The following PCDH9 variants were observed in gnomAD, a reference collection of about 807,000 sequenced individuals.
The protein encoded by PCDH9 is protocadherin-9.
Under a neutral mutation model 70.6 loss-of-function variants are expected in PCDH9, and 24 were observed. That is an observed-to-expected ratio of 0.34 (90% CI 0.25 to 0.48). PCDH9 has a LOEUF of 0.48. PCDH9 is among the 20% of genes least tolerant of loss of function. The pLI is 0.99. For synonymous variants in PCDH9, 562 were observed against 558.5 expected, an observed-to-expected ratio of 1.01 and a Z score of -0.09; for missense variants, 1,281 against 1,503.6, an observed-to-expected ratio of 0.85 and a Z score of 2.45.
intron 4 of PCDH9, among the ~76,000 whole-genome samples, chr13:66,595,591 T>C (rs886774093): frequency 2.6e-5 from 4 of 151,714 alleles, no homozygotes; most frequent in African/African-American, 4.8e-5. Context: ...ATTGCCTTTA[T>C]GAAGAGGATT....
chr13:66,967,861 T>C (rs1025052691), intron 2 of PCDH9, among the ~76,000 whole-genome samples: 1 of 152,054 alleles, frequency 6.6e-6, no homozygotes, highest in Non-Finnish European at 1.5e-5. Flanking sequence ...TGTTATGTCA[T>C]ATACTTGTCT....
intron 2 of PCDH9, among the ~76,000 whole-genome samples, chr13:66,928,057 A>T (rs1343884300): frequency 2.0e-5 from 3 of 152,060 alleles, no homozygotes; most frequent in Non-Finnish European, 4.4e-5. Flanking sequence ...TAGGAAAGAC[A>T]CATTTAACAT....
chr13:66,740,761 G>A (rs1277839150), intron 3 of PCDH9, among the ~76,000 whole-genome samples: 4 of 151,758 alleles, frequency 2.6e-5, no homozygotes, highest in African/African-American at 4.8e-5. Context: ...TAAATTCCTC[G>A]ACACATACAC....
chr13:66,910,880 C>T (rs755759026), intron 2 of PCDH9, among the ~76,000 whole-genome samples: 3 of 152,128 alleles, frequency 2.0e-5, no homozygotes, highest in Non-Finnish European at 4.4e-5. Flanking sequence ...GTGCATTGTC[C>T]ATTTCCTGAG....
intron 3 of PCDH9, among the ~76,000 whole-genome samples, chr13:66,739,801 T>C (rs2079225288): frequency 7.4e-6 from 1 of 135,568 alleles, no homozygotes; most frequent in Non-Finnish European, 1.6e-5. Flanking sequence ...CTATCCTAAA[T>C]ATATATGCAC....
chr13:66,875,354 C>T (rs1218163988), intron 3 of PCDH9, among the ~76,000 whole-genome samples: 2 of 152,214 alleles, frequency 1.3e-5, no homozygotes, highest in Admixed American at 6.5e-5. Context: ...TATCTTCTAA[C>T]AAATTATTTG....
intron 4 of PCDH9, among the ~76,000 whole-genome samples, chr13:66,348,921 C>G (rs1956253442): frequency 6.6e-6 from 1 of 152,240 alleles, no homozygotes; most frequent in East Asian, 1.9e-4. Context: ...CCTTTCCCTT[C>G]CCTTGTGTCG....
In PCDH9 at chr13:67,079,663, G is replaced by T. The variant is rs535585619; in HGVS notation, c.3036+145742C>A. On this transcript the variant is annotated intron_variant, in intron 2 of 4. Coordinates refer to ENST00000377865, the MANE Select transcript of PCDH9 (RefSeq NM_203487.3). ...AAGCTGTCTTTTGTGGGAAAATTTT[G>T]CATCAGATTAATCTTCCATTAATGT... 2.0e-5 allele frequency among the ~76,000 whole-genome samples: 3 copies of T among 152,264 alleles called. No homozygotes were observed. In the South Asian group the frequency reaches 6.2e-4, roughly 32 times the overall value.
chr13:67,145,948 G>T (rs548583280), intron 2 of PCDH9, among the ~76,000 whole-genome samples: 1 of 152,122 alleles, frequency 6.6e-6, no homozygotes, highest in East Asian at 1.9e-4. Flanking sequence ...ACATTATAGG[G>T]TCTTAATATC....
intron 2 of PCDH9, among the ~76,000 whole-genome samples, chr13:67,019,714 T>C (rs1423715158): frequency 6.6e-6 from 1 of 151,970 alleles, no homozygotes; most frequent in South Asian, 2.1e-4. Flanking sequence ...CAAGCTATGG[T>C]AGACTAAGGA....
chr13:66,955,917 C>A (rs1594309795), intron 2 of PCDH9, among the ~76,000 whole-genome samples: 1 of 151,978 alleles, frequency 6.6e-6, no homozygotes, highest in African/African-American at 2.4e-5. Context: ...TATGGTGAAA[C>A]CCCGTTTCTA....
intron 4 of PCDH9, among the ~76,000 whole-genome samples, chr13:66,398,305 C>G (rs531133103): frequency 3.9e-5 from 6 of 152,108 alleles, no homozygotes; most frequent in Admixed American, 1.3e-4. Flanking sequence ...TTATTGTAAA[C>G]ACATTCAATG....
At chr13:67,101,036 G>A (rs1323479433) in intron 2 of PCDH9, among the ~76,000 whole-genome samples, 1 of 152,158 alleles carries the variant, frequency 6.6e-6, no homozygotes, top group East Asian at 1.9e-4. Flanking sequence ...GAGAAGCACT[G>A]GCTTCAGCAG....
intron 3 of PCDH9, among the ~76,000 whole-genome samples, chr13:66,792,908 T>C (rs535605129): frequency 6.6e-6 from 1 of 150,958 alleles, no homozygotes; most frequent in East Asian, 2.0e-4. Context: ...AGTGTATTGA[T>C]AGTGAAAATG....
chr13:67,078,066 G>C (rs2085913144), intron 2 of PCDH9, among the ~76,000 whole-genome samples: 1 of 151,992 alleles, frequency 6.6e-6, no homozygotes, highest in African/African-American at 2.4e-5. Context: ...AAACTACTTG[G>C]CATTCCTGCA....
chr13:66,441,632 C>A (rs571439039), intron 4 of PCDH9, among the ~76,000 whole-genome samples: 1 of 151,994 alleles, frequency 6.6e-6, no homozygotes, highest in Non-Finnish European at 1.5e-5. Context: ...CCAAAGCTAA[C>A]GAGTTCTCTT....
intron 3 of PCDH9, among the ~76,000 whole-genome samples, chr13:66,889,671 G>T (rs962558291): frequency 1.2e-4 from 18 of 152,104 alleles, no homozygotes; most frequent in Non-Finnish European, 2.6e-4. Context: ...GCTACTACCA[G>T]GAGAGTAAAC....
chr13:66,853,841 C>T (rs1378152959), intron 3 of PCDH9, among the ~76,000 whole-genome samples: 1 of 151,792 alleles, frequency 6.6e-6, no homozygotes, highest in Non-Finnish European at 1.5e-5. Flanking sequence ...TGCTGATTAG[C>T]TGGGACTAAA....
chr13:66,896,364 TTAA>T lies in PCDH9; in HGVS notation c.3138+7137_3138+7139del, dbSNP rs2082178798. ...AAAACACCACAAATGTATGCTGTTT[TTAA>T]TAATAAGTGACTTACAAAAATAATA... On this transcript the variant is annotated intron_variant, in intron 3 of 4. Transcript: ENST00000377865. 2.0e-5 allele frequency among the ~76,000 whole-genome samples: 3 copies of T among 152,192 alleles called. No homozygotes were observed. In the South Asian group the frequency reaches 6.2e-4, roughly 32 times the overall value.
Sources: gnomAD v4.1 joint callset for allele counts (sites outside exome capture counted in the v4.1 genomes callset) on GRCh38, gnomAD v4.1.1 for gene constraint, MANE v1.5 for transcripts, NCBI Gene and HGNC (gene_info 2026-07-23, HGNC 2026-07-21) for gene names.